The following NUBPL variants were observed in gnomAD, a reference collection of about 807,000 sequenced individuals.
NUBPL encodes iron-sulfur cluster transfer protein NUBPL.
Under a neutral mutation model 45.7 loss-of-function variants are expected in NUBPL, and 31 were observed. That is an observed-to-expected ratio of 0.68 (90% CI 0.51 to 0.92). NUBPL has a LOEUF of 0.92. Among genes scored for constraint, NUBPL ranks in the 40% least tolerant of loss-of-function variants. NUBPL has a pLI of 0.00. For missense variants in NUBPL, 401 were observed against 398.7 expected (o/e 1.01, Z -0.05); for synonymous variants, 144 against 140.9 (o/e 1.02, Z -0.15).
intron 6 of NUBPL, among the ~76,000 whole-genome samples, chr14:31,705,477 C>T (rs1355630059): frequency 6.6e-6 from 1 of 152,138 alleles, no homozygotes; most frequent in South Asian, 2.1e-4. Flanking sequence ...CTGATTGGTC[C>T]GTTTTGACAG....
intron 7 of NUBPL, among the ~76,000 whole-genome samples, chr14:31,813,941 G>T (rs2039865995): frequency 6.6e-6 from 1 of 152,176 alleles, no homozygotes; most frequent in South Asian, 2.1e-4. Flanking sequence ...TCATTGATGG[G>T]CATTTCGGTT....
intron 4 of NUBPL, among the ~76,000 whole-genome samples, chr14:31,673,081 A>G (rs2036610672): frequency 1.3e-5 from 2 of 152,280 alleles, no homozygotes; most frequent in Admixed American, 1.3e-4. Context: ...GTATATTTCA[A>G]CATTGTTAAA....
At chr14:31,818,731 G>A (rs540806672) in intron 7 of NUBPL, among the ~76,000 whole-genome samples, 1 of 152,240 alleles carries the variant, frequency 6.6e-6, no homozygotes, top group East Asian at 1.9e-4. Flanking sequence ...TGTATTTTTA[G>A]TAGAAATGGG....
At chr14:31,784,899 A>T (rs1331065493) in intron 6 of NUBPL, among the ~76,000 whole-genome samples, 1 of 152,222 alleles carries the variant, frequency 6.6e-6, no homozygotes, top group African/African-American at 2.4e-5. Flanking sequence ...TGGGAATGCT[A>T]TTTTATAAAG....
intron 3 of NUBPL, among the ~76,000 whole-genome samples, chr14:31,578,930 T>A (rs2033790621): frequency 6.6e-6 from 1 of 152,192 alleles, no homozygotes; most frequent in Admixed American, 6.5e-5. Context: ...AAGCTAGGAT[T>A]TTCTCAGAGC....
chr14:31,707,545 T>C (rs1314836988), intron 6 of NUBPL, among the ~76,000 whole-genome samples: 2 of 152,202 alleles, frequency 1.3e-5, no homozygotes, highest in Admixed American at 6.5e-5. Context: ...GGCCTGGCTA[T>C]CTCGCTGTGT....
At chr14:31,714,671 A>T (rs2037649466) in intron 6 of NUBPL, 1 of 152,154 alleles carries the variant, frequency 6.6e-6, no homozygotes. Context: ...GGCGTGATCC[A>T]CTCACTTCCC....
chr14:31,834,426 A>G (rs376681571), intron 8 of NUBPL, among the ~76,000 whole-genome samples: 141 of 151,956 alleles, frequency 9.3e-4, no homozygotes, highest in East Asian at 2.5e-3. Context: ...TGATCTGCCC[A>G]CCTTGGCCTC....
chr14:31,785,232 T>C (rs577562138), intron 6 of NUBPL, among the ~76,000 whole-genome samples: 1 of 152,382 alleles, frequency 6.6e-6, no homozygotes, highest in Admixed American at 6.5e-5. Context: ...TATTTATTCT[T>C]ATTTGATCTG....
chr14:31,572,074 A>G (rs932470708), intron 3 of NUBPL, among the ~76,000 whole-genome samples: 15 of 152,040 alleles, frequency 9.9e-5, no homozygotes, highest in Non-Finnish European at 1.8e-4. Flanking sequence ...TAAGGTTCGA[A>G]TGCCAACCTA....
intron 6 of NUBPL, among the ~76,000 whole-genome samples, chr14:31,700,723 G>C (rs1300845979): frequency 6.6e-6 from 1 of 152,172 alleles, no homozygotes; most frequent in African/African-American, 2.4e-5. Flanking sequence ...GGGTCCTCCA[G>C]CACTGCCGGC....
At chr14:31,671,164 A>G (rs1432757762) in intron 4 of NUBPL, among the ~76,000 whole-genome samples, 1 of 151,892 alleles carries the variant, frequency 6.6e-6, no homozygotes, top group East Asian at 1.9e-4. Flanking sequence ...GTGTTTTGTA[A>G]TTCTCATTGT....
At chr14:31,632,744 G>A (rs2035377555) in intron 4 of NUBPL, among the ~76,000 whole-genome samples, 1 of 152,154 alleles carries the variant, frequency 6.6e-6, no homozygotes, top group African/African-American at 2.4e-5. Flanking sequence ...TATTGATAAA[G>A]CTGGTGATAT....
chr14:31,754,636 T>A (rs1169420724), intron 6 of NUBPL, among the ~76,000 whole-genome samples: 1 of 149,764 alleles, frequency 6.7e-6, no homozygotes, highest in East Asian at 1.9e-4. Context: ...TGCCAATAGA[T>A]TCATTTTTAT....
intron 6 of NUBPL, among the ~76,000 whole-genome samples, chr14:31,763,309 G>C (rs1469932883): frequency 6.6e-6 from 1 of 152,110 alleles, no homozygotes. Flanking sequence ...TAGCCTGAAG[G>C]TACTAAAGTA....
At chr14:31,643,777 G>T (rs867886710) in intron 4 of NUBPL, among the ~76,000 whole-genome samples, 3 of 151,852 alleles carry the variant, frequency 2.0e-5, no homozygotes, top group Non-Finnish European at 2.9e-5. Flanking sequence ...CCAGGTCCTG[G>T]GCTTTTCTTT....
intron 4 of NUBPL, among the ~76,000 whole-genome samples, chr14:31,671,557 T>A (rs1311595802): frequency 6.6e-6 from 1 of 152,192 alleles, no homozygotes; most frequent in Non-Finnish European, 1.5e-5. Flanking sequence ...TAATCTGTAT[T>A]CATATGGTAA....
At chr14:31,625,306 A>T (rs2035175546) in intron 4 of NUBPL, among the ~76,000 whole-genome samples, 1 of 152,190 alleles carries the variant, frequency 6.6e-6, no homozygotes, top group South Asian at 2.1e-4. Context: ...TGAAACTGTT[A>T]TGTTGAAGAC....
Position 31,607,935 on chromosome 14 carries a change from G to A in NUBPL, c.382+8556G>A, listed in dbSNP as rs1024325992. On this transcript the variant is annotated intron_variant, in intron 4 of 10. Coordinates refer to ENST00000281081, the MANE Select transcript of NUBPL (RefSeq NM_025152.3). ...TTAACCAAAAGAAAACTATCCAAAGGCATTTAATAATCAAACTCCCAAAGA... is the reference window on the plus strand; with the variant it reads ...TTAACCAAAAGAAAACTATCCAAAGACATTTAATAATCAAACTCCCAAAGA... Among the ~76,000 whole-genome samples, 8 of 152,130 alleles carry A rather than the reference G, an allele frequency of 5.3e-5. No homozygotes were observed. In the South Asian group the frequency reaches 1.7e-3, roughly 32 times the overall value.
Sources: gnomAD v4.1 joint callset for allele counts (sites outside exome capture counted in the v4.1 genomes callset) on GRCh38, gnomAD v4.1.1 for gene constraint, MANE v1.5 for transcripts, NCBI Gene and HGNC (gene_info 2026-07-23, HGNC 2026-07-21) for gene names.